Variants in RYR3 observed in about 807,000 individuals in gnomAD.
RYR3 encodes brain ryanodine receptor-calcium release channel.
RYR3 carries 207 observed loss-of-function variants against 584.3 expected under a neutral mutation model. That is an observed-to-expected ratio of 0.35 (90% CI 0.32 to 0.40). The LOEUF (loss-of-function observed/expected upper bound fraction) is 0.40, where lower values mean the gene tolerates loss of function less well. Among genes scored for constraint, RYR3 ranks in the 10% least tolerant of loss-of-function variants. RYR3 has a pLI of 1.00. For synonymous variants in RYR3, 2,416 were observed against 2,248.5 expected, an observed-to-expected ratio of 1.07 and a Z score of -2.11; for missense variants, 5,616 against 6,089.2, an observed-to-expected ratio of 0.92 and a Z score of 2.59.
chr15:33,669,839 TGTGTGGGGGGGGGGGGGGGTGTG>T (rs2063710560), intron 37 of RYR3, among the ~76,000 whole-genome samples: 1 of 11,434 alleles, frequency 8.7e-5, no homozygotes. Flanking sequence ...GGGGTGTGTG[TGTGTGGGGGGGGGGGGGGGTGTG>T]GGTGTGTGGG....
chr15:33,567,211 G>GT (rs1272853399), intron 12 of RYR3, among the ~76,000 whole-genome samples: 1 of 152,200 alleles, frequency 6.6e-6, no homozygotes, highest in Non-Finnish European at 1.5e-5. Context: ...TTGGATCAAA[G>GT]TAACTTCTCA....
At chr15:33,610,603 A>G (rs1220885187) in intron 18 of RYR3, among the ~76,000 whole-genome samples, 1 of 152,252 alleles carries the variant, frequency 6.6e-6, no homozygotes, top group African/African-American at 2.4e-5. Flanking sequence ...TAAAAAGAGC[A>G]CAGTGATTTT....
chr15:33,845,511 C>T (rs1448099483), intron 93 of RYR3, among the ~76,000 whole-genome samples: 1 of 152,200 alleles, frequency 6.6e-6, no homozygotes, highest in African/African-American at 2.4e-5. Context: ...GCCTCGGCCT[C>T]CCACAGTGCT....
At chr15:33,387,918 A>G (rs1383389795) in intron 1 of RYR3, among the ~76,000 whole-genome samples, 1 of 152,108 alleles carries the variant, frequency 6.6e-6, no homozygotes, top group African/African-American at 2.4e-5. Flanking sequence ...TAGGCGGACT[A>G]GAAAGAAAGA....
chr15:33,765,646 A>AG (rs2072977612), intron 60 of RYR3, among the ~76,000 whole-genome samples: 1 of 151,590 alleles, frequency 6.6e-6, no homozygotes, highest in African/African-American at 2.4e-5. Flanking sequence ...AAAAAAAAAA[A>AG]AAAAAAAAAG....
chr15:33,853,668 TTCTCTGGTG>T lies in RYR3; in HGVS notation c.13788_13796del (p.Leu4597_Ser4599del). ...TAGAAGAGACCAAAGCAGAAGCGGC[TTCTCTGGTG>T]TCATGGTACAAAAAGCTTAGGAGTT... On this transcript the variant is annotated inframe_deletion, in exon 96 of 104. Coordinates refer to ENST00000634891, the MANE Select transcript of RYR3 (RefSeq NM_001036.6). 1 of 1,613,736 alleles carries T rather than the reference TTCTCTGGTG, an allele frequency of 6.2e-7. No homozygotes were observed. Among genetic ancestry groups the T allele is most frequent in the Non-Finnish European group, 8.5e-7 (1 of 1,179,788 alleles).
In RYR3 at chr15:33,857,663, C is replaced by T. The variant is rs1047446664; in HGVS notation, c.14008-117C>T. 1.5e-5 allele frequency: 19 copies of T among 1,303,944 alleles called. No individual in the cohort carries two copies. In the South Asian group the frequency reaches 2.3e-4, roughly 15 times the overall value. The allele number at this position is 1,303,944 out of a possible 1,614,324, so 80.8% of individuals were successfully genotyped here. ...TCTTAGCCGCCCTCCACCCCTTCCCCATTTCCTCTCCTTGCCCGTCCTCAC... is the reference window on the plus strand; with the variant it reads ...TCTTAGCCGCCCTCCACCCCTTCCCTATTTCCTCTCCTTGCCCGTCCTCAC... On this transcript the variant is annotated intron_variant, in intron 98 of 103. Transcript: ENST00000634891.
intron 18 of RYR3, 82 bp downstream of exon 18, chr15:33,603,446 TC>T: frequency 7.1e-7 from 1 of 1,407,508 alleles, no homozygotes; most frequent in South Asian, 1.4e-5. Context: ...AATGACCACT[TC>T]CATTTGAAAT....
At chr15:33,466,519 A>G (rs1382578497) in intron 1 of RYR3, among the ~76,000 whole-genome samples, 1 of 152,200 alleles carries the variant, frequency 6.6e-6, no homozygotes, top group Non-Finnish European at 1.5e-5. Context: ...ATAAAACCAA[A>G]AACCAAAATA....
intron 84 of RYR3, among the ~76,000 whole-genome samples, 168 bp from the exon 85 acceptor site, chr15:33,827,031 G>T (rs1210798953): frequency 6.6e-6 from 1 of 152,182 alleles, no homozygotes; most frequent in Non-Finnish European, 1.5e-5. Context: ...CGCAGGTTGG[G>T]GGGGTGCTCA....
At chr15:33,422,840 G>C (rs2044336630) in intron 1 of RYR3, among the ~76,000 whole-genome samples, 1 of 152,086 alleles carries the variant, frequency 6.6e-6, no homozygotes, top group African/African-American at 2.4e-5. Context: ...GAATTGGTTT[G>C]AATAATATAT....
At chr15:33,673,733 C>G (rs1467077173) in intron 38 of RYR3, among the ~76,000 whole-genome samples, 1 of 152,210 alleles carries the variant, frequency 6.6e-6, no homozygotes, top group Non-Finnish European at 1.5e-5. Context: ...TCAAATTTTA[C>G]AGATTAAAAT....
At position 33,379,666 on chromosome 15, in the gene RYR3, C is replaced by CCTCTCTCTCTCTCTCTCTCTCT. The variant is rs72425368; in HGVS notation, c.51+68571_51+68592dup. On this transcript the variant is annotated intron_variant, in intron 1 of 103. Transcript: ENST00000634891. ...GTATGTGTGTGTGTGTGTGTGTGTC[C>CCTCTCTCTCTCTCTCTCTCTCT]CTCTCTCTCTCTCTCTCTCTCTATA... is the stretch of plus-strand genomic sequence containing the variant. Among the ~76,000 whole-genome samples the CCTCTCTCTCTCTCTCTCTCTCT allele has an allele frequency of 2.0e-4, 26 of 129,324 alleles. 1 individual carries two copies. Among genetic ancestry groups the CCTCTCTCTCTCTCTCTCTCTCT allele is most frequent in the African/African-American group, 5.0e-4 (15 of 29,802 alleles). The allele number at this position is 129,324 out of a possible 152,430, so 84.8% of individuals were successfully genotyped here.
intron 71 of RYR3, 80 bp downstream of exon 71, chr15:33,810,729 C>G: frequency 9.6e-6 from 15 of 1,562,698 alleles, no homozygotes; most frequent in Non-Finnish European, 1.3e-5. Context: ...AGGGTTAGTC[C>G]TCCTCCCCTG....
chr15:33,661,761 A>G (rs2063179310), intron 34 of RYR3, among the ~76,000 whole-genome samples: 1 of 152,226 alleles, frequency 6.6e-6, no homozygotes, highest in Admixed American at 6.5e-5. Flanking sequence ...ACTGACAGAA[A>G]GCATAATCTA....
chr15:33,705,648 T>A (rs956816906), intron 42 of RYR3, among the ~76,000 whole-genome samples: 4 of 152,244 alleles, frequency 2.6e-5, no homozygotes, highest in Admixed American at 2.6e-4. Flanking sequence ...GATCTCGTGA[T>A]AAGTGTCTGG....
intron 1 of RYR3, among the ~76,000 whole-genome samples, chr15:33,411,765 G>T (rs1001374267): frequency 1.3e-5 from 2 of 152,068 alleles, no homozygotes; most frequent in Non-Finnish European, 1.5e-5. Flanking sequence ...GAAAATCATG[G>T]TCCTGTGCTG....
At chr15:33,432,968 A>G (rs2045328114) in intron 1 of RYR3, among the ~76,000 whole-genome samples, 2 of 151,708 alleles carry the variant, frequency 1.3e-5, no homozygotes, top group South Asian at 4.1e-4. Flanking sequence ...AATAATGTCC[A>G]TTGTGTGGGC....
At chr15:33,396,031 A>T (rs913448519) in intron 1 of RYR3, among the ~76,000 whole-genome samples, 4 of 151,928 alleles carry the variant, frequency 2.6e-5, no homozygotes, top group Non-Finnish European at 5.9e-5. Context: ...GGCCCGAGTG[A>T]GTGGGTGAGT....
Sources: gnomAD v4.1 joint callset for allele counts (sites outside exome capture counted in the v4.1 genomes callset) on GRCh38, gnomAD v4.1.1 for gene constraint, MANE v1.5 for transcripts, NCBI Gene and HGNC (gene_info 2026-07-23, HGNC 2026-07-21) for gene names.